SLIT2: variants seen among roughly 807,000 people sequenced by gnomAD.
The protein encoded by SLIT2 is slit homolog 2 protein.
Under a neutral mutation model 185.7 loss-of-function variants are expected in SLIT2, and 41 were observed. That is an observed-to-expected ratio of 0.22 (90% CI 0.17 to 0.29). The LOEUF (loss-of-function observed/expected upper bound fraction) is 0.29. Among genes scored for constraint, SLIT2 ranks in the 10% least tolerant of loss-of-function variants. The pLI is 1.00. For missense variants in SLIT2, 1,571 were observed against 1,909.0 expected, an observed-to-expected ratio of 0.82 and a Z score of 3.30; for synonymous variants, 693 against 680.2, an observed-to-expected ratio of 1.02 and a Z score of -0.29.
intron 12 of SLIT2, among the ~76,000 whole-genome samples, chr4:20,523,061 G>A (rs1720973263): frequency 6.6e-6 from 1 of 152,206 alleles, no homozygotes; most frequent in Admixed American, 6.6e-5. Context: ...ATTAAGGAGA[G>A]GGGTGCGGGA....
At chr4:20,460,088 T>C (rs1192936599) in intron 4 of SLIT2, among the ~76,000 whole-genome samples, 2 of 152,066 alleles carry the variant, frequency 1.3e-5, no homozygotes, top group Non-Finnish European at 2.9e-5. Context: ...GGTCTCGAAC[T>C]CCTGACCTCA....
chr4:20,399,053 G>A (rs553645151), intron 4 of SLIT2, among the ~76,000 whole-genome samples: 2 of 151,548 alleles, frequency 1.3e-5, no homozygotes, highest in African/African-American at 2.4e-5. Context: ...GTACTTTGTG[G>A]TATTCAAGCA....
chr4:20,578,819 A>G (rs1285888930), intron 29 of SLIT2, among the ~76,000 whole-genome samples: 4 of 152,186 alleles, frequency 2.6e-5, no homozygotes, highest in African/African-American at 7.2e-5. Flanking sequence ...TTAGTGTAAA[A>G]CAAATTAATA....
chr4:20,267,915 G>A (rs1024755965), intron 3 of SLIT2, among the ~76,000 whole-genome samples: 1 of 151,882 alleles, frequency 6.6e-6, no homozygotes, highest in Admixed American at 6.6e-5. Context: ...CAGCTTGTAA[G>A]TCATTTGAGT....
At position 20,610,064 on chromosome 4, in the gene SLIT2, G is replaced by A; in HGVS notation, c.3744G>A (p.Leu1248=). Residue 1248 remains leucine, a synonymous_variant, in exon 34 of 37, where the codon TTG becomes TTA. Coordinates refer to ENST00000504154, the MANE Select transcript of SLIT2 (RefSeq NM_004787.4). ...GNFHIVELLA[L]DQSLSLSVDG... ...TCCACATTGTGGAACTACTTGCCTT[G>A]GATCAGAGTCTCTCTTTGTCCGTGG... 3 of 1,613,472 alleles carry A rather than the reference G, an allele frequency of 1.9e-6. No individual in the cohort carries two copies. Among genetic ancestry groups the A allele is most frequent in the Non-Finnish European group, 2.5e-6 (3 of 1,179,622 alleles).
chr4:20,539,459 A>G lies in SLIT2; in HGVS notation c.1851A>G (p.Arg617=), dbSNP rs375573754. Residue 617 remains arginine (R), a synonymous_variant, in exon 19 of 37, where the codon CGA becomes CGG. Coordinates refer to ENST00000504154, the MANE Select transcript of SLIT2 (RefSeq NM_004787.4). ...CCCTCAGGATGTTGAGAAGCAATCG[A>G]ATAACCTGTGTGGGGAATGACAGTT... The part of the protein sequence containing the change: ...SLKTLMLRSN[R]ITCVGNDSFI... The G allele has an allele frequency of 1.2e-6, 2 of 1,612,884 alleles. No individual in the cohort carries two copies. The highest frequency in any genetic ancestry group is 1.7e-5 in the Admixed American group (1 of 59,812).
intron 4 of SLIT2, among the ~76,000 whole-genome samples, chr4:20,326,382 A>G (rs1719591977): frequency 6.6e-6 from 1 of 152,022 alleles, no homozygotes; most frequent in Non-Finnish European, 1.5e-5. Context: ...TATTAAACTG[A>G]TGTTTCAAAG....
chr4:20,554,903 G>T (rs1240566268), intron 26 of SLIT2, among the ~76,000 whole-genome samples: 1 of 152,094 alleles, frequency 6.6e-6, no homozygotes, highest in East Asian at 1.9e-4. Flanking sequence ...CCGAGTAGCT[G>T]GGATTACAGG....
At chr4:20,530,087 T>C (rs2148859381) in intron 16 of SLIT2, among the ~76,000 whole-genome samples, 1 of 137,946 alleles carries the variant, frequency 7.2e-6, no homozygotes, top group South Asian at 2.4e-4. Flanking sequence ...CACTATCTTG[T>C]AGTTATAGTG....
intron 4 of SLIT2, among the ~76,000 whole-genome samples, chr4:20,389,651 G>A (rs1725259731): frequency 1.3e-5 from 2 of 151,656 alleles, no homozygotes; most frequent in South Asian, 2.1e-4. Flanking sequence ...CTTTTTTGAA[G>A]CTTTAGCAAC....
At chr4:20,291,866 A>G (rs1269648768) in intron 4 of SLIT2, among the ~76,000 whole-genome samples, 1 of 151,652 alleles carries the variant, frequency 6.6e-6, no homozygotes, top group Non-Finnish European at 1.5e-5. Context: ...GGACTAAATG[A>G]TCTTAGGGTA....
intron 4 of SLIT2, among the ~76,000 whole-genome samples, chr4:20,424,563 T>A (rs995869634): frequency 3.3e-5 from 5 of 152,120 alleles, no homozygotes; most frequent in Non-Finnish European, 7.4e-5. Context: ...CTAATTTTTT[T>A]AAAATGCTTA....
intron 4 of SLIT2, among the ~76,000 whole-genome samples, chr4:20,446,823 T>A (rs1478596898): frequency 2.6e-5 from 4 of 152,176 alleles, no homozygotes; most frequent in Non-Finnish European, 4.4e-5. Flanking sequence ...TCAAAATAGA[T>A]AGATGTTCAG....
intron 26 of SLIT2, among the ~76,000 whole-genome samples, chr4:20,559,077 C>T (rs1488224921): frequency 6.6e-6 from 1 of 151,840 alleles, no homozygotes; most frequent in Non-Finnish European, 1.5e-5. Flanking sequence ...GATAATGCTA[C>T]AGGTGGGCAT....
intron 4 of SLIT2, among the ~76,000 whole-genome samples, chr4:20,282,894 A>AT (rs993892321): frequency 4.0e-5 from 6 of 151,896 alleles, no homozygotes; most frequent in South Asian, 2.1e-4. Context: ...GACATATATT[A>AT]TTTTTTTTGT....
chr4:20,283,619 C>T (rs1013657722), intron 4 of SLIT2, among the ~76,000 whole-genome samples: 2 of 152,166 alleles, frequency 1.3e-5, no homozygotes, highest in Admixed American at 6.5e-5. Context: ...ACCATCTCAT[C>T]TCTTAGTTCC....
At chr4:20,399,145 A>G (rs564144807) in intron 4 of SLIT2, among the ~76,000 whole-genome samples, 1 of 151,866 alleles carries the variant, frequency 6.6e-6, no homozygotes, top group Non-Finnish European at 1.5e-5. Context: ...TATTTAAAAA[A>G]TTATTTATAT....
chr4:20,264,638 C>T (rs1483200541), intron 3 of SLIT2, among the ~76,000 whole-genome samples: 1 of 151,810 alleles, frequency 6.6e-6, no homozygotes, highest in Admixed American at 6.6e-5. Context: ...GTTCAGGCTG[C>T]CCTTCAAATT....
At chr4:20,482,109 A>G (rs1421957800) in intron 6 of SLIT2, among the ~76,000 whole-genome samples, 1 of 152,022 alleles carries the variant, frequency 6.6e-6, no homozygotes, top group Non-Finnish European at 1.5e-5. Context: ...GAATGATTTC[A>G]CAGTAGTGGT....
Sources: gnomAD v4.1 joint callset for allele counts (sites outside exome capture counted in the v4.1 genomes callset) on GRCh38, gnomAD v4.1.1 for gene constraint, MANE v1.5 for transcripts, NCBI Gene and HGNC (gene_info 2026-07-23, HGNC 2026-07-21) for gene names.